GRIP1: variants seen among roughly 807,000 people sequenced by gnomAD.
The protein encoded by GRIP1 is glutamate receptor-interacting protein 1.
In GRIP1, 45 loss-of-function variants were observed where a neutral mutation model predicts 129.9. The ratio of observed to expected loss-of-function variants is 0.35; its 90% CI spans 0.27 to 0.44. GRIP1 has a LOEUF of 0.44. Among genes scored for constraint, GRIP1 ranks in the 20% least tolerant of loss-of-function variants. GRIP1 has a pLI of 1.00. For synonymous variants in GRIP1, 530 were observed against 520.8 expected (o/e 1.02, Z -0.24); for missense variants, 1,196 against 1,396.8 (o/e 0.86, Z 2.29).
intron 7 of GRIP1, among the ~76,000 whole-genome samples, chr12:66,477,883 T>A (rs1207840462): frequency 6.6e-6 from 1 of 152,162 alleles, no homozygotes; most frequent in East Asian, 1.9e-4. Context: ...TAATTCAAGA[T>A]GGATTAAAGA....
At chr12:66,755,129 T>G (rs2037246525) in intron 1 of GRIP1, among the ~76,000 whole-genome samples, 1 of 151,932 alleles carries the variant, frequency 6.6e-6, no homozygotes, top group Non-Finnish European at 1.5e-5. Context: ...TATCAGAAAA[T>G]TTTCCTATTA....
chr12:66,639,533 T>C (rs11176351), intron 1 of GRIP1, among the ~76,000 whole-genome samples: 29,893 of 151,884 alleles, frequency 0.2, 3,033 homozygotes, highest in Non-Finnish European at 0.23. Flanking sequence ...TCATTAAGGA[T>C]TGGATAGCAA....
intron 1 of GRIP1, among the ~76,000 whole-genome samples, chr12:66,892,880 T>C (rs1016438261): frequency 6.6e-6 from 1 of 152,104 alleles, no homozygotes; most frequent in African/African-American, 2.4e-5. Context: ...GTCGGGAGGA[T>C]TGCTGGAGCC....
chr12:66,783,848 C>T (rs76168511), intron 1 of GRIP1, among the ~76,000 whole-genome samples: 204 of 152,122 alleles, frequency 1.3e-3, no homozygotes, highest in African/African-American at 4.4e-3. Context: ...AGACAGCTTG[C>T]GTTAAGATTT....
chr12:66,591,016 T>C (rs1043441542), intron 2 of GRIP1, among the ~76,000 whole-genome samples: 5 of 152,180 alleles, frequency 3.3e-5, no homozygotes, highest in African/African-American at 1.2e-4. Context: ...ATTGATCCAA[T>C]ACCTAACATT....
chr12:66,885,686 C>T (rs1461241055), intron 1 of GRIP1, among the ~76,000 whole-genome samples: 1 of 152,134 alleles, frequency 6.6e-6, no homozygotes, highest in Non-Finnish European at 1.5e-5. Flanking sequence ...CAACCAGATA[C>T]AGCTGGTAAG....
chr12:66,933,394 T>C (rs1344010339), intron 1 of GRIP1, among the ~76,000 whole-genome samples: 2 of 152,230 alleles, frequency 1.3e-5, no homozygotes, highest in African/African-American at 2.4e-5. Context: ...GCTGAGATTT[T>C]TCTAAAACAT....
At chr12:66,477,423 G>C (rs1346344273) in intron 7 of GRIP1, among the ~76,000 whole-genome samples, 1 of 151,818 alleles carries the variant, frequency 6.6e-6, no homozygotes, top group Non-Finnish European at 1.5e-5. Flanking sequence ...TAGATAGGAA[G>C]AATCAATACC....
intron 1 of GRIP1, among the ~76,000 whole-genome samples, chr12:66,865,125 C>T (rs1050685198): frequency 2.0e-5 from 3 of 152,074 alleles, no homozygotes; most frequent in African/African-American, 7.2e-5. Flanking sequence ...GAAAGCCCAG[C>T]AGCAAGTTGA....
chr12:66,705,911 T>G (rs2035511917), intron 1 of GRIP1, among the ~76,000 whole-genome samples: 1 of 152,050 alleles, frequency 6.6e-6, no homozygotes, highest in African/African-American at 2.4e-5. Context: ...TAACTCAAGG[T>G]GGATAAAAGA....
chr12:66,446,280 G>A (rs1397249146), intron 11 of GRIP1, among the ~76,000 whole-genome samples: 1 of 151,964 alleles, frequency 6.6e-6, no homozygotes, highest in Non-Finnish European at 1.5e-5. Context: ...ACTCATGAAA[G>A]GGCTGCTCCA....
chr12:66,697,630 G>A lies in GRIP1; in HGVS notation c.-419-67294C>T, dbSNP rs140600969. Among the ~76,000 whole-genome samples, 529 of 152,296 alleles carry A rather than the reference G, an allele frequency of 3.5e-3. 2 individuals are homozygous for A. Among genetic ancestry groups the A allele is most frequent in the Non-Finnish European group, 6.1e-3 (418 of 68,026 alleles). On this transcript the variant is annotated intron_variant, in intron 1 of 4. Transcript: ENST00000538373. ...ACTTTTGGTTTTGTGGTGAAGGGCT[G>A]AGAAGCGTGCTAACTGGCTGCACTG...
intron 1 of GRIP1, among the ~76,000 whole-genome samples, chr12:66,894,092 T>A (rs1489829107): frequency 1.3e-5 from 2 of 152,206 alleles, no homozygotes; most frequent in Non-Finnish European, 2.9e-5. Context: ...AAAGTCCACA[T>A]GCCTTGCTTC....
intron 2 of GRIP1, among the ~76,000 whole-genome samples, chr12:66,546,634 AGG>A (rs2061955666): frequency 6.6e-6 from 1 of 152,210 alleles, no homozygotes. Flanking sequence ...AATAGAGGAA[AGG>A]TAGCCTATTC....
intron 11 of GRIP1, among the ~76,000 whole-genome samples, chr12:66,455,158 C>T (rs2058920051): frequency 6.6e-6 from 1 of 152,042 alleles, no homozygotes; most frequent in Non-Finnish European, 1.5e-5. Flanking sequence ...AATCTCAAAT[C>T]TCAAATAAAA....
At chr12:66,923,829 G>A (rs1429404593) in intron 1 of GRIP1, among the ~76,000 whole-genome samples, 1 of 151,994 alleles carries the variant, frequency 6.6e-6, no homozygotes, top group Non-Finnish European at 1.5e-5. Flanking sequence ...GATTAAATGA[G>A]ATAATTTTTC....
intron 13 of GRIP1, among the ~76,000 whole-genome samples, chr12:66,436,488 TAACA>T (rs1284363547): frequency 6.6e-6 from 1 of 152,198 alleles, no homozygotes; most frequent in Non-Finnish European, 1.5e-5. Flanking sequence ...TAAAAGGCAG[TAACA>T]AACAAGGCAA....
At chr12:66,802,827 C>T (rs751953730) in intron 1 of GRIP1, among the ~76,000 whole-genome samples, 16 of 151,982 alleles carry the variant, frequency 1.1e-4, no homozygotes, top group African/African-American at 2.7e-4. Context: ...GGATATAGTA[C>T]GGAAACAAAA....
intron 1 of GRIP1, among the ~76,000 whole-genome samples, chr12:67,031,265 C>G (rs1214910557): frequency 6.6e-6 from 1 of 152,184 alleles, no homozygotes. Flanking sequence ...TCATCCTCTA[C>G]ACTGTAGAAG....
Sources: gnomAD v4.1 joint callset for allele counts (sites outside exome capture counted in the v4.1 genomes callset) on GRCh38, gnomAD v4.1.1 for gene constraint, MANE v1.5 for transcripts, NCBI Gene and HGNC (gene_info 2026-07-23, HGNC 2026-07-21) for gene names.